The following RAB1B variants were observed in gnomAD, a reference collection of about 807,000 sequenced individuals.
RAB1B encodes ras-related protein Rab-1B.
A neutral mutation model predicts 24.8 loss-of-function variants in RAB1B; 10 were observed. The ratio of observed to expected loss-of-function variants is 0.40; its 90% confidence interval spans 0.25 to 0.68. The LOEUF is 0.68. Ranked by LOEUF, RAB1B falls within the 30% of genes least tolerant of loss-of-function variation. The pLI is 0.37. For synonymous variants in RAB1B, 99 were observed against 111.7 expected, an observed-to-expected ratio of 0.89 and a Z score of 0.72; for missense variants, 154 against 271.2, an observed-to-expected ratio of 0.57 and a Z score of 3.04.
rs199961685 is a variant in RAB1B at position 66,275,893 on chromosome 11, C to T, written c.369C>T (p.Ser123=). The T allele has an allele frequency of 1.7e-5, 28 of 1,609,406 alleles. No homozygotes were observed. In the East Asian group the frequency reaches 2.7e-4, roughly 15 times the overall value. ...ATAAGCTCCTGGTGGGCAACAAGAG[C>T]GACCTCACCACCAAGAAGGTGGTGG... ...NVNKLLVGNK[S]DLTTKKVVDN... is the part of the protein sequence containing the mutation. The change falls in exon 5 of 6, where the codon AGC becomes AGT. Residue 123 remains serine (S), a synonymous_variant. Transcript: ENST00000311481.
At chr11:66,274,783 C>G (rs1171500766) in intron 4 of RAB1B, among the ~76,000 whole-genome samples, 2 of 148,128 alleles carry the variant, frequency 1.4e-5, no homozygotes, top group East Asian at 2.0e-4. Context: ...CCCTGTCCCC[C>G]CTCCCTGTTG....
At position 66,275,817 on chromosome 11, in the gene RAB1B, A is replaced by T. The variant is rs768987937; in HGVS notation, c.293A>T (p.Asn98Ile). 6.3e-7 allele frequency: 1 copy of T among 1,584,986 alleles called. No homozygotes were observed. Among genetic ancestry groups the T allele is most frequent in the Non-Finnish European group, 8.6e-7 (1 of 1,166,274 alleles). Residue 98 changes from asparagine (N) to isoleucine (I), a missense_variant, in exon 5 of 6, where the codon AAC becomes ATC. Transcript: ENST00000311481. ...GGCCCCCTTTAGGAATCCTACGCCAACGTGAAGCAGTGGCTGCAGGAGATT... is the reference window on the plus strand; with the variant it reads ...GGCCCCCTTTAGGAATCCTACGCCATCGTGAAGCAGTGGCTGCAGGAGATT... ...YDVTDQESYA[N>I]VKQWLQEIDR... is the part of the protein sequence containing the mutation.
chr11:66,275,905 C>T lies in RAB1B; in HGVS notation c.381C>T (p.Thr127=). The change falls in exon 5 of 6, where the codon ACC becomes ACT. Residue 127 remains threonine (T), a synonymous_variant. Coordinates refer to ENST00000311481, the MANE Select transcript of RAB1B (RefSeq NM_030981.3). ...LLVGNKSDLT[T]KKVVDNTTAK... The stretch of plus-strand genomic sequence containing the variant: ...TGGGCAACAAGAGCGACCTCACCAC[C>T]AAGAAGGTGGTGGACAACACCACAG... 1.2e-6 allele frequency: 2 copies of T among 1,610,968 alleles called. No individual in the cohort carries two copies. The highest frequency in any genetic ancestry group is 1.1e-5 in the South Asian group (1 of 90,322).
Position 66,276,338 on chromosome 11 carries a change from GTC to G in RAB1B, c.*102_*103del. The G allele has an allele frequency of 3.3e-6, 4 of 1,220,388 alleles. No homozygotes were observed. The highest frequency in any genetic ancestry group is 4.4e-6 in the Non-Finnish European group (4 of 903,516). 75.6% of individuals were successfully genotyped at this position (1,220,388 alleles called of 1,614,324 possible). A position where few individuals can be genotyped will look rare whatever the true frequency, so the allele number is the denominator to read the frequency against. On this transcript the variant is annotated 3_prime_UTR_variant, in exon 6 of 6. Transcript: ENST00000311481. ...CCTCTCCCTCTCCTGGGGCATTTGA[GTC>G]TGTGGCTTTGGGGTGTCCTGGGCTC...
At chr11:66,270,184 A>G (rs1452092292) in intron 1 of RAB1B, 5 of 151,810 alleles carry the variant, frequency 3.3e-5, no homozygotes, top group African/African-American at 9.7e-5. Flanking sequence ...CTTAAGTGCA[A>G]TTTTCACTGC....
chr11:66,276,147 G>C lies in RAB1B; in HGVS notation c.515G>C (p.Arg172Pro). The C allele has an allele frequency of 6.2e-7, 1 of 1,613,398 alleles. No individual in the cohort carries two copies. The highest frequency in any genetic ancestry group is 8.5e-7 in the Non-Finnish European group (1 of 1,179,778). The change falls in exon 6 of 6, where the codon CGG (arginine) becomes CCG (proline). Residue 172 changes from arginine to proline, a missense_variant. This residue lies in a region of RAB1B where 77 missense variants were observed against 97.8 expected (regional missense o/e 0.79). Transcript: ENST00000311481. ...FMTMAAEIKK[R>P]MGPGAASGGE... is the part of the protein sequence containing the mutation. ...ACCATGGCTGCTGAAATCAAAAAGC[G>C]GATGGGGCCTGGAGCAGCCTCTGGG...
At position 66,276,102 on chromosome 11, in the gene RAB1B, A is replaced by G. The variant is rs1857139204; in HGVS notation, c.470A>G (p.Asn157Ser). ...GAGACGAGCGCCAAGAATGCCACCA[A>G]TGTCGAGCAGGCGTTCATGACCATG... is the stretch of plus-strand genomic sequence containing the variant. ...FLETSAKNAT[N>S]VEQAFMTMAA... The change falls in exon 6 of 6, where the codon AAT becomes AGT. Residue 157 changes from asparagine (N) to serine (S), a missense_variant. Physicochemically the swap from Asn to Ser is conservative, Grantham distance 46. Around this residue, in one of 2 missense-constraint regions of RAB1B, gnomAD observed 77 missense variants for 97.8 expected, o/e 0.79. Coordinates refer to ENST00000311481, the MANE Select transcript of RAB1B (RefSeq NM_030981.3). 1 of 1,613,924 alleles carries G rather than the reference A, an allele frequency of 6.2e-7. No homozygotes were observed. The highest frequency in any genetic ancestry group is 8.5e-7 in the Non-Finnish European group (1 of 1,179,932).
rs1590887384 is a variant in RAB1B at position 66,276,288 on chromosome 11, C to T, written c.*50C>T. 6.7e-7 allele frequency: 1 copy of T among 1,486,988 alleles called. No homozygotes were observed. The highest frequency in any genetic ancestry group is 1.4e-5 in the South Asian group (1 of 73,808). 92.1% of individuals were successfully genotyped at this position (1,486,988 alleles called of 1,614,324 possible). On this transcript the variant is annotated 3_prime_UTR_variant, in exon 6 of 6. Transcript: ENST00000311481. ...AGGGGGCACCTTCTCCAGATGATGT[C>T]CCTGGAGGGGGCAGGAGGTACCTCC... is the stretch of plus-strand genomic sequence containing the variant.
At chr11:66,270,976 A>G (rs888401296) in intron 1 of RAB1B, 2 of 152,264 alleles carry the variant, frequency 1.3e-5, no homozygotes, top group African/African-American at 4.8e-5. Context: ...CCTTTGGGCT[A>G]GCTGTTTGTG....
Position 66,276,277 on chromosome 11 carries a change from C to T in RAB1B, c.*39C>T, listed in dbSNP as rs1374575578. 1.4e-6 allele frequency: 2 copies of T among 1,412,124 alleles called. No individual in the cohort carries two copies. Among genetic ancestry groups the T allele is most frequent in the Non-Finnish European group, 1.9e-6 (2 of 1,048,362 alleles). The allele number at this position is 1,412,124 out of a possible 1,614,324, so 87.5% of individuals were successfully genotyped here. A position where few individuals can be genotyped will look rare whatever the true frequency, so the allele number is the denominator to read the frequency against. On this transcript the variant is annotated 3_prime_UTR_variant, in exon 6 of 6. Coordinates refer to ENST00000311481, the MANE Select transcript of RAB1B (RefSeq NM_030981.3). The stretch of plus-strand genomic sequence containing the variant: ...AGTGGGACAGGAGGGGGCACCTTCT[C>T]CAGATGATGTCCCTGGAGGGGGCAG...
intron 1 of RAB1B, 23 bp from the exon 2 acceptor site, chr11:66,271,774 G>T (rs771497894): frequency 1.2e-6 from 2 of 1,601,218 alleles, no homozygotes; most frequent in African/African-American, 2.7e-5. Flanking sequence ...CTCCCTTCAC[G>T]CCTTCCCATC....
intron 4 of RAB1B, among the ~76,000 whole-genome samples, chr11:66,274,243 T>A (rs1857106255): frequency 6.6e-6 from 1 of 152,206 alleles, no homozygotes; most frequent in South Asian, 2.1e-4. Context: ...CCCCATCATC[T>A]TTCTGAAATC....
chr11:66,276,958 C>T lies in RAB1B; in HGVS notation c.*720C>T, dbSNP rs1471649980. ...CCATGCGCTGCCTGCCCACCGTGCC[C>T]CTTTGTCCCCATGTCAGGCGGAGGC... is the stretch of plus-strand genomic sequence containing the variant. On this transcript the variant is annotated 3_prime_UTR_variant, in exon 6 of 6. Coordinates refer to ENST00000311481, the MANE Select transcript of RAB1B (RefSeq NM_030981.3). 1 of 153,140 alleles carries T rather than the reference C, an allele frequency of 6.5e-6. No homozygotes were observed. Among genetic ancestry groups the T allele is most frequent in the African/African-American group, 2.4e-5 (1 of 41,424 alleles). 9.5% of individuals were successfully genotyped at this position (153,140 alleles called of 1,614,324 possible).
rs1857134959 is a variant in RAB1B at position 66,275,928 on chromosome 11, C to T, written c.404C>T (p.Thr135Ile). Reference sequence around the variant, plus strand: ...ACCAAGAAGGTGGTGGACAACACCACAGCCAAGGTAGCAGACGGGCCGGTC... The same window carrying T: ...ACCAAGAAGGTGGTGGACAACACCATAGCCAAGGTAGCAGACGGGCCGGTC... The part of the protein sequence containing the change: ...LTTKKVVDNT[T>I]AKEFADSLGI... Residue 135 changes from threonine (T) to isoleucine (I), a missense_variant, in exon 5 of 6, where the codon ACA becomes ATA. This residue lies in a region of RAB1B where 77 missense variants were observed against 97.8 expected (regional missense o/e 0.79). Transcript: ENST00000311481. The T allele has an allele frequency of 2.5e-6, 4 of 1,611,726 alleles. No individual in the cohort carries two copies. Among genetic ancestry groups the T allele is most frequent in the Middle Eastern group, 1.7e-4 (1 of 6,054 alleles).
intron 2 of RAB1B, 94 bp downstream of exon 2, chr11:66,271,963 G>A: frequency 1.8e-6 from 2 of 1,107,128 alleles, no homozygotes; most frequent in Non-Finnish European, 1.4e-6. Context: ...TGCAAGATCT[G>A]GGAACCAGGG....
rs772684920 is a variant in RAB1B at position 66,276,123 on chromosome 11, C to T, written c.491C>T (p.Thr164Ile). The change falls in exon 6 of 6, where the codon ACC (threonine) becomes ATC (isoleucine). Residue 164 changes from threonine to isoleucine, a missense_variant. Physicochemically the swap from Thr to Ile is moderately conservative, Grantham distance 89. Coordinates refer to ENST00000311481, the MANE Select transcript of RAB1B (RefSeq NM_030981.3). ...ACCAATGTCGAGCAGGCGTTCATGA[C>T]CATGGCTGCTGAAATCAAAAAGCGG... ...NATNVEQAFMTMAAEIKKRMG... is the reference protein window; with the variant it reads ...NATNVEQAFMIMAAEIKKRMG... 6.2e-7 allele frequency: 1 copy of T among 1,613,798 alleles called. No individual in the cohort carries two copies.
chr11:66,268,864 C>G (rs1002641673), intron 1 of RAB1B, among the ~76,000 whole-genome samples, 171 bp downstream of exon 1: 1 of 138,796 alleles, frequency 7.2e-6, no homozygotes, highest in Non-Finnish European at 1.6e-5. Flanking sequence ...CCCAGGGGCC[C>G]CAGGACCCCG....
At position 66,276,086 on chromosome 11, in the gene RAB1B, G is replaced by T. The variant is rs780097222; in HGVS notation, c.454G>T (p.Ala152Ser). 20 of 1,613,786 alleles carry T rather than the reference G, an allele frequency of 1.2e-5. No individual in the cohort carries two copies. Among genetic ancestry groups the T allele is most frequent in the Non-Finnish European group, 1.4e-5 (17 of 1,179,890 alleles). ...SLGIPFLETSAKNATNVEQAF... is the reference protein window; with the variant it reads ...SLGIPFLETSSKNATNVEQAF... ...GGGCATCCCCTTCTTGGAGACGAGC[G>T]CCAAGAATGCCACCAATGTCGAGCA... is the stretch of plus-strand genomic sequence containing the variant. The change falls in exon 6 of 6, where the codon GCC becomes TCC. Residue 152 changes from alanine (A) to serine (S), a missense_variant. Physicochemically the swap from Ala to Ser is moderately conservative, Grantham distance 99. Transcript: ENST00000311481.
chr11:66,269,911 G>C (rs1443023105), intron 1 of RAB1B: 2 of 150,056 alleles, frequency 1.3e-5, no homozygotes, highest in African/African-American at 2.5e-5. Context: ...GTCTCTCTCT[G>C]TCACCCAGGC....
Sources: allele counts gnomAD v4.1 joint callset (sites outside exome capture counted in the v4.1 genomes callset), GRCh38; gene constraint gnomAD v4.1.1; regional missense constraint gnomAD v4.1.1; transcripts MANE v1.5; gene names NCBI Gene and HGNC (gene_info 2026-07-23, HGNC 2026-07-21).